The following DOP1B variants were observed in gnomAD, a reference collection of about 807,000 sequenced individuals.
DOP1B encodes protein DOP1B.
A neutral mutation model predicts 233.5 loss-of-function variants in DOP1B; 174 were observed. The ratio of observed to expected loss-of-function variants is 0.75; its 90% CI spans 0.66 to 0.85. DOP1B has a LOEUF of 0.85. Among genes scored for constraint, DOP1B ranks in the 40% least tolerant of loss-of-function variants. DOP1B has a pLI of 0.00. For missense variants in DOP1B, 2,652 were observed against 2,846.6 expected (o/e 0.93, Z 1.56); for synonymous variants, 1,190 against 1,185.6 (o/e 1.00, Z -0.08).
At position 36,292,171 on chromosome 21, in the gene DOP1B, A is replaced by G. The variant is rs2067566829; in HGVS notation, c.6583A>G (p.Asn2195Asp). 1.2e-6 allele frequency: 2 copies of G among 1,612,684 alleles called. No homozygotes were observed. The highest frequency in any genetic ancestry group is 1.7e-6 in the Non-Finnish European group (2 of 1,179,400). Residue 2195 changes from asparagine (N) to aspartate (D), a missense_variant, in exon 36 of 37, where the codon AAT (asparagine) becomes GAT (aspartate). Asn to Asp is a conservative substitution (Grantham distance 23). Transcript: ENST00000691173. ...TGCCTTCCTGTCGGATGTAGAGGAG[A>G]ATCACCAAGAATGCAAACCCCACAC... is the stretch of plus-strand genomic sequence containing the variant. ...GPAFLSDVEE[N>D]HQECKPHTVR...
Position 36,214,500 on chromosome 21 carries a change from A to G in DOP1B, c.1073A>G (p.His358Arg). Residue 358 changes from histidine (H) to arginine (R), a missense_variant, in exon 9 of 37, where the codon CAT becomes CGT. Physicochemically the swap from His to Arg is conservative, Grantham distance 29. Around this residue, in one of 3 missense-constraint regions of DOP1B, gnomAD observed 2,617 missense variants for 2,794.3 expected, o/e 0.94. Coordinates refer to ENST00000691173, the MANE Select transcript of DOP1B (RefSeq NM_001320714.2). ...GATGCTGACGTGGAGGAACGCCATC[A>G]TGCATACCTGAAGCCTTTTCGCGTC... ...FIDADVEERHHAYLKPFRVLI... is the reference protein window; with the variant it reads ...FIDADVEERHRAYLKPFRVLI... 6.2e-7 allele frequency: 1 copy of G among 1,613,998 alleles called. No homozygotes were observed. The highest frequency in any genetic ancestry group is 8.5e-7 in the Non-Finnish European group (1 of 1,180,000).
rs748569600 is a variant in DOP1B at position 36,246,141 on chromosome 21, C to T, written c.4161C>T (p.Val1387=). 6.2e-7 allele frequency: 1 copy of T among 1,613,994 alleles called. No individual in the cohort carries two copies. The highest frequency in any genetic ancestry group is 1.1e-5 in the South Asian group (1 of 91,092). Residue 1387 remains valine (V), a synonymous_variant, in exon 19 of 37, where the codon GTC becomes GTT. Coordinates refer to ENST00000691173, the MANE Select transcript of DOP1B (RefSeq NM_001320714.2). This position sits in a 1 kb window ranked among gnomAD's most constrained non-coding sequence, Gnocchi z 5.1. ...LLQRCKVQEF[V]LLSLSASMYT... ...AGAGGTGCAAAGTTCAGGAGTTTGT[C>T]CTGCTCTCCCTGTCGGCGTCCATGT...
At chr21:36,170,306 T>G (rs1182752110) in intron 2 of DOP1B, 4 of 305,510 alleles carry the variant, frequency 1.3e-5, no homozygotes, top group African/African-American at 2.2e-5. Context: ...TGGAAGAAAT[T>G]TCTATTCTAG....
chr21:36,277,066 T>A lies in DOP1B; in HGVS notation c.5678T>A (p.Val1893Glu), dbSNP rs1348595373. The A allele has an allele frequency of 6.2e-7, 1 of 1,614,016 alleles. No individual in the cohort carries two copies. The highest frequency in any genetic ancestry group is 8.5e-7 in the Non-Finnish European group (1 of 1,180,016). The change falls in exon 28 of 37, where the codon GTG becomes GAG. Residue 1893 changes from valine (V) to glutamate (E), a missense_variant. By Grantham distance (121) the Val-to-Glu change is moderately radical. Coordinates refer to ENST00000691173, the MANE Select transcript of DOP1B (RefSeq NM_001320714.2). The part of the protein sequence containing the change: ...SAMVSSSAPS[V>E]YSVQALSLLA... ...ATGGTGTCTTCATCCGCCCCGTCGGTGTACAGCGTGCAAGCCCTCTCTCTC... is the reference window on the plus strand; with the variant it reads ...ATGGTGTCTTCATCCGCCCCGTCGGAGTACAGCGTGCAAGCCCTCTCTCTC...
rs1188809768 is a variant in DOP1B, at chr21:36,259,217, G to A, written c.5260-1460G>A. On this transcript the variant is annotated intron_variant, in intron 23 of 36. Transcript: ENST00000691173. ...CCTGACCACGTGATCCACCCGCCTC[G>A]GCTTCCCAAAGTGCTGGGATTACAG... 1.3e-5 allele frequency among the ~76,000 whole-genome samples: 2 copies of A among 151,692 alleles called. 1 individual carries two copies. The highest frequency in any genetic ancestry group is 3.9e-4 in the East Asian group (2 of 5,164).
At position 36,252,456 on chromosome 21, in the gene DOP1B, T is replaced by TAA. The variant is rs565981647; in HGVS notation, c.5121+1189_5121+1190dup. On this transcript the variant is annotated intron_variant, in intron 22 of 36. Transcript: ENST00000691173. Reference sequence around the variant, plus strand: ...CTAGACAACAGAGTGACACTTCATGTAAAAAAAAAAAAAAAAAAGGAAATT... The same window carrying TAA: ...CTAGACAACAGAGTGACACTTCATGTAAAAAAAAAAAAAAAAAAAAGGAAATT... 1.1e-3 allele frequency among the ~76,000 whole-genome samples: 117 copies of TAA among 102,192 alleles called. 1 individual carries two copies. Among genetic ancestry groups the TAA allele is most frequent in the African/African-American group, 3.9e-3 (110 of 27,888 alleles). The allele number at this position is 102,192 out of a possible 152,430, so 67.0% of individuals were successfully genotyped here. A position where few individuals can be genotyped will look rare whatever the true frequency, so the allele number is the denominator to read the frequency against.
intron 7 of DOP1B, among the ~76,000 whole-genome samples, chr21:36,212,705 T>C (rs911956230): frequency 2.0e-5 from 3 of 152,218 alleles, no homozygotes; most frequent in Non-Finnish European, 4.4e-5. Context: ...TAAAGTCCCA[T>C]ATTCACGTAC....
intron 27 of DOP1B, among the ~76,000 whole-genome samples, chr21:36,271,605 T>G (rs2067290294): frequency 6.6e-6 from 1 of 151,920 alleles, no homozygotes; most frequent in Non-Finnish European, 1.5e-5. Context: ...GCCAGATGAC[T>G]GAACTGTCTG....
Position 36,246,742 on chromosome 21 carries a change from T to C in DOP1B, c.4697+65T>C. 3 of 1,540,114 alleles carry C rather than the reference T, an allele frequency of 1.9e-6. No individual in the cohort carries two copies. The highest frequency in any genetic ancestry group is 2.6e-6 in the Non-Finnish European group (3 of 1,139,230). Reference sequence around the variant, plus strand: ...ATGGTTTTTATAACGAATGACTGTTTTGCCACGGATGTGGATGTCGGTTGG... The same window carrying C: ...ATGGTTTTTATAACGAATGACTGTTCTGCCACGGATGTGGATGTCGGTTGG... On this transcript the variant is annotated intron_variant, in intron 19 of 36. Coordinates refer to ENST00000691173, the MANE Select transcript of DOP1B (RefSeq NM_001320714.2). This position sits in a 1 kb window ranked among gnomAD's most constrained non-coding sequence, Gnocchi z 5.1.
At position 36,245,456 on chromosome 21, in the gene DOP1B, C is replaced by T. The variant is rs147966121; in HGVS notation, c.3476C>T (p.Ser1159Leu). 2.9e-5 allele frequency: 46 copies of T among 1,613,906 alleles called. No individual in the cohort carries two copies. In the East Asian group the frequency reaches 6.5e-4, roughly 23 times the overall value. The change falls in exon 19 of 37, where the codon TCG becomes TTG. Residue 1159 changes from serine to leucine, a missense_variant. Around this residue, in one of 3 missense-constraint regions of DOP1B, gnomAD observed 2,617 missense variants for 2,794.3 expected, o/e 0.94. Coordinates refer to ENST00000691173, the MANE Select transcript of DOP1B (RefSeq NM_001320714.2). This position sits in a 1 kb window ranked among gnomAD's most constrained non-coding sequence, Gnocchi z 5.5. Reference protein sequence around the residue: ...PMGGRAYPKRSALLAAFQSES... With the variant: ...PMGGRAYPKRLALLAAFQSES... ...GGGGGCAGGGCGTACCCCAAGCGCT[C>T]GGCCCTGCTGGCGGCCTTCCAGTCA...
intron 26 of DOP1B, among the ~76,000 whole-genome samples, chr21:36,265,343 C>T (rs1490768231): frequency 6.6e-6 from 1 of 152,072 alleles, no homozygotes; most frequent in Admixed American, 6.6e-5. Flanking sequence ...TTACAGTGAG[C>T]CGAGATCTCA....
chr21:36,199,352 C>A, intron 3 of DOP1B, 101 bp downstream of exon 3: 1 of 1,433,330 alleles, frequency 7.0e-7, no homozygotes, highest in Non-Finnish European at 9.4e-7. Context: ...AAGCGTAGGG[C>A]TGTGTGTGCA....
chr21:36,169,725 T>C (rs1413092962), intron 2 of DOP1B: 4 of 1,007,244 alleles, frequency 4.0e-6, no homozygotes, highest in African/African-American at 3.2e-5. Context: ...TGCTTCCTCA[T>C]GCTGCTGAAG....
intron 15 of DOP1B, among the ~76,000 whole-genome samples, chr21:36,233,965 T>G (rs1260793283): frequency 1.3e-5 from 2 of 152,166 alleles, no homozygotes; most frequent in Non-Finnish European, 2.9e-5. Context: ...GCAATTCTCC[T>G]GCCTCAGCCT....
At chr21:36,279,057 A>G (rs1601477723) in intron 30 of DOP1B, among the ~76,000 whole-genome samples, 1 of 152,016 alleles carries the variant, frequency 6.6e-6, no homozygotes, top group South Asian at 2.1e-4. Flanking sequence ...GCAGCAGCCA[A>G]GCAGAGATCC....
chr21:36,227,420 A>G (rs371136587), intron 12 of DOP1B, among the ~76,000 whole-genome samples: 1,644 of 138,244 alleles, frequency 0.012, 20 homozygotes, highest in African/African-American at 0.029. Flanking sequence ...GGTGGTGGGC[A>G]CCTGTAGTCC....
chr21:36,167,929 CTTTTCTTTTTCT>C (rs551922457), intron 2 of DOP1B, among the ~76,000 whole-genome samples: 21,450 of 97,186 alleles, frequency 0.22, 1,503 homozygotes, highest in Middle Eastern at 0.29. Flanking sequence ...CTTTTCTTTT[CTTTTCTTTTTCT>C]TTTTTTTTTT....
At chr21:36,255,944 C>T (rs1039766876) in intron 23 of DOP1B, among the ~76,000 whole-genome samples, 5 of 152,104 alleles carry the variant, frequency 3.3e-5, no homozygotes, top group East Asian at 1.9e-4. Context: ...CAATTATACA[C>T]GGTGGATTTA....
At chr21:36,183,723 G>A (rs1208861295) in intron 2 of DOP1B, among the ~76,000 whole-genome samples, 1 of 152,222 alleles carries the variant, frequency 6.6e-6, no homozygotes, top group Non-Finnish European at 1.5e-5. Flanking sequence ...GCCAGCCACA[G>A]CACTCTGCCT....
Sources: allele counts gnomAD v4.1 joint callset (sites outside exome capture counted in the v4.1 genomes callset), GRCh38; gene constraint gnomAD v4.1.1; regional missense constraint gnomAD v4.1.1; non-coding constraint Gnocchi (gnomAD v3.1); transcripts MANE v1.5; gene names NCBI Gene and HGNC (gene_info 2026-07-23, HGNC 2026-07-21).